MYO1D: variants seen among roughly 807,000 people sequenced by gnomAD.
The protein encoded by MYO1D is myosin ID.
Under a neutral mutation model 122.0 loss-of-function variants are expected in MYO1D, and 83 were observed. The observed-to-expected ratio is 0.68, with a 90% confidence interval of 0.57 to 0.82. The LOEUF is 0.82. Among genes scored for constraint, MYO1D ranks in the 40% least tolerant of loss-of-function variants. The pLI is 0.00. For missense variants in MYO1D, 1,157 were observed against 1,269.5 expected, an observed-to-expected ratio of 0.91 and a Z score of 1.35; for synonymous variants, 464 against 446.9, an observed-to-expected ratio of 1.04 and a Z score of -0.48.
chr17:32,614,072 A>ATT (rs527897976), intron 20 of MYO1D, among the ~76,000 whole-genome samples: 21,347 of 126,302 alleles, frequency 0.17, 2,118 homozygotes, highest in Non-Finnish European at 0.22. Context: ...TAATGTTTTA[A>ATT]TTTTTTTTTT....
chr17:32,869,404 T>C (rs1174602325), intron 1 of MYO1D, among the ~76,000 whole-genome samples: 3 of 152,228 alleles, frequency 2.0e-5, no homozygotes, highest in African/African-American at 7.2e-5. Context: ...GGCATTTTTA[T>C]AGGCCATGTC....
In MYO1D at chr17:32,620,397, C is replaced by G. The variant is rs147227996; in HGVS notation, c.2710-15156G>C. On this transcript the variant is annotated intron_variant, in intron 20 of 21. Transcript: ENST00000318217. Reference sequence around the variant, plus strand: ...TTTTCTGGAGAAGGGTGCTTATTGTCAAAGGATTCTGTTTTGCTAGGTTAC... The same window carrying G: ...TTTTCTGGAGAAGGGTGCTTATTGTGAAAGGATTCTGTTTTGCTAGGTTAC... Among the ~76,000 whole-genome samples, 196 of 152,228 alleles carry G rather than the reference C, an allele frequency of 1.3e-3. 1 individual carries two copies. The Middle Eastern group carries it at 0.017, about 13-fold the overall frequency.
At chr17:32,728,129 G>T (rs889388642) in intron 14 of MYO1D, among the ~76,000 whole-genome samples, 5 of 151,540 alleles carry the variant, frequency 3.3e-5, no homozygotes, top group Non-Finnish European at 5.9e-5. Flanking sequence ...ACAAAACAAA[G>T]AAGTCAGGAA....
At chr17:32,835,736 C>T (rs1472903129) in intron 1 of MYO1D, among the ~76,000 whole-genome samples, 2 of 152,200 alleles carry the variant, frequency 1.3e-5, no homozygotes, top group Non-Finnish European at 2.9e-5. Context: ...CACAAGCTCA[C>T]ATCTCTTTAA....
chr17:32,642,334 C>A (rs1363406667), intron 19 of MYO1D, among the ~76,000 whole-genome samples: 1 of 152,142 alleles, frequency 6.6e-6, no homozygotes, highest in Non-Finnish European at 1.5e-5. Flanking sequence ...GTTACTGTAG[C>A]CTTGTAGTAT....
chr17:32,776,753 T>C (rs996704977), intron 3 of MYO1D, among the ~76,000 whole-genome samples: 1 of 152,222 alleles, frequency 6.6e-6, no homozygotes, highest in African/African-American at 2.4e-5. Flanking sequence ...TGTATGGAAT[T>C]TCTCCTTTGT....
At chr17:32,782,408 G>A (rs1337880894) in intron 1 of MYO1D, among the ~76,000 whole-genome samples, 1 of 152,126 alleles carries the variant, frequency 6.6e-6, no homozygotes, top group Non-Finnish European at 1.5e-5. Flanking sequence ...GATACCTTGT[G>A]AAAGCTACTT....
At position 32,778,584 on chromosome 17, in the gene MYO1D, A is replaced by T. The variant is rs907641287; in HGVS notation, c.305-11T>A. 5 of 1,605,378 alleles carry T rather than the reference A, an allele frequency of 3.1e-6. No individual in the cohort carries two copies. The highest frequency in any genetic ancestry group is 1.7e-4 in the Middle Eastern group (1 of 6,042). On this transcript the variant is annotated splice_polypyrimidine_tract_variant and intron_variant, in intron 2 of 21. Coordinates refer to ENST00000318217, the MANE Select transcript of MYO1D (RefSeq NM_015194.3). The stretch of plus-strand genomic sequence containing the variant: ...CAGCTCCACTTTCCCCTGGGGGGAA[A>T]AATTGTTCAGGGCTTAACATAATAA...
chr17:32,707,122 T>A (rs1277975784), intron 16 of MYO1D, among the ~76,000 whole-genome samples: 1 of 152,062 alleles, frequency 6.6e-6, no homozygotes, highest in Non-Finnish European at 1.5e-5. Flanking sequence ...ATGACAACTC[T>A]AACAAAAATA....
At chr17:32,809,312 A>G (rs899032959) in intron 1 of MYO1D, among the ~76,000 whole-genome samples, 2 of 151,632 alleles carry the variant, frequency 1.3e-5, no homozygotes, top group East Asian at 1.9e-4. Flanking sequence ...TTCTATAGAC[A>G]TGGGGGTCTT....
At chr17:32,601,107 A>AT (rs2087557453) in intron 21 of MYO1D, among the ~76,000 whole-genome samples, 2 of 151,786 alleles carry the variant, frequency 1.3e-5, no homozygotes, top group Admixed American at 1.3e-4. Flanking sequence ...TAACTTTTAA[A>AT]TTTTTTTGTA....
At chr17:32,726,582 T>C (rs1475457567) in intron 14 of MYO1D, among the ~76,000 whole-genome samples, 1 of 150,092 alleles carries the variant, frequency 6.7e-6, no homozygotes, top group Non-Finnish European at 1.5e-5. Context: ...ATATATATTA[T>C]ATCTATATCA....
chr17:32,681,119 G>T (rs924981947), intron 16 of MYO1D, among the ~76,000 whole-genome samples: 1 of 151,864 alleles, frequency 6.6e-6, no homozygotes, highest in African/African-American at 2.4e-5. Flanking sequence ...ATTTTTTATT[G>T]TGTCTATTTG....
chr17:32,835,115 T>C (rs1034613779), intron 1 of MYO1D, among the ~76,000 whole-genome samples: 3 of 152,032 alleles, frequency 2.0e-5, no homozygotes, highest in Non-Finnish European at 2.9e-5. Flanking sequence ...CAAACATACC[T>C]TGACAAGTAC....
intron 20 of MYO1D, among the ~76,000 whole-genome samples, chr17:32,615,989 T>TGAG (rs1197967967): frequency 6.6e-6 from 1 of 152,196 alleles, no homozygotes; most frequent in Non-Finnish European, 1.5e-5. Flanking sequence ...GCAAAGAGGC[T>TGAG]CTGGACCTGT....
intron 15 of MYO1D, among the ~76,000 whole-genome samples, chr17:32,715,483 C>T (rs1050401685): frequency 6.6e-6 from 1 of 152,030 alleles, no homozygotes; most frequent in Non-Finnish European, 1.5e-5. Context: ...CCTTCTGCCT[C>T]CCTGGATATA....
intron 11 of MYO1D, among the ~76,000 whole-genome samples, chr17:32,749,742 C>G (rs923726402): frequency 6.6e-6 from 1 of 151,996 alleles, no homozygotes; most frequent in Admixed American, 6.6e-5. Flanking sequence ...CCAAACCAAA[C>G]CAAACAAAAT....
chr17:32,760,326 T>C lies in MYO1D; in HGVS notation c.1260A>G (p.Gln420=). ...LFIQLVLKQE[Q]EEYQREGIPW... ...GGATCCCTTCCCGCTGGTATTCCTCTTGTTCTTGCTTCAGAACCAGCTGAA... is the reference window on the plus strand; with the variant it reads ...GGATCCCTTCCCGCTGGTATTCCTCCTGTTCTTGCTTCAGAACCAGCTGAA... Residue 420 remains glutamine, a synonymous_variant, in exon 10 of 22, where the codon CAA becomes CAG. Coordinates refer to ENST00000318217, the MANE Select transcript of MYO1D (RefSeq NM_015194.3). The C allele has an allele frequency of 6.2e-7, 1 of 1,612,548 alleles. No individual in the cohort carries two copies. The highest frequency in any genetic ancestry group is 8.5e-7 in the Non-Finnish European group (1 of 1,178,844).
intron 1 of MYO1D, among the ~76,000 whole-genome samples, chr17:32,815,772 GAGA>G (rs1268084504): frequency 4.6e-5 from 7 of 152,182 alleles, no homozygotes; most frequent in Non-Finnish European, 1.5e-5. Flanking sequence ...AGGAAATGTT[GAGA>G]AGGACAAGGT....
Sources: allele counts gnomAD v4.1 joint callset (sites outside exome capture counted in the v4.1 genomes callset), GRCh38; gene constraint gnomAD v4.1.1; transcripts MANE v1.5; gene names NCBI Gene and HGNC (gene_info 2026-07-23, HGNC 2026-07-21).